DENND5A: variants seen among roughly 807,000 people sequenced by gnomAD.
DENND5A encodes DENN domain-containing protein 5A.
In DENND5A, 64 loss-of-function variants were observed where a neutral mutation model predicts 140.3. The ratio of observed to expected loss-of-function variants is 0.46; its 90% CI spans 0.37 to 0.56. The LOEUF (loss-of-function observed/expected upper bound fraction) is 0.56. Among genes scored for constraint, DENND5A ranks in the 20% least tolerant of loss-of-function variants. DENND5A has a pLI of 0.00. For synonymous variants in DENND5A, 605 were observed against 607.7 expected (o/e 1.00, Z 0.07); for missense variants, 1,292 against 1,593.8 (o/e 0.81, Z 3.22).
intron 1 of DENND5A, among the ~76,000 whole-genome samples, chr11:9,229,105 T>C (rs989987922): frequency 1.3e-5 from 2 of 152,082 alleles, no homozygotes; most frequent in African/African-American, 4.8e-5. Context: ...GCACTAAGCC[T>C]AGGCAGTTAG....
In DENND5A at chr11:9,265,138, C is replaced by T. The variant is rs1243278629; in HGVS notation, c.-69G>A. Reference sequence around the variant, plus strand: ...AGCCCCCGCAACCCGGGCGCCCGCCCGTCCGCCCTCAGGCCGCCCCTCCCG... The same window carrying T: ...AGCCCCCGCAACCCGGGCGCCCGCCTGTCCGCCCTCAGGCCGCCCCTCCCG... On this transcript the variant is annotated 5_prime_UTR_variant, in exon 1 of 23. Transcript: ENST00000328194. The surrounding 1 kb of genome is among the most constrained non-coding windows in gnomAD (Gnocchi z 4.7). 2 of 957,824 alleles carry T rather than the reference C, an allele frequency of 2.1e-6. No individual in the cohort carries two copies. Among genetic ancestry groups the T allele is most frequent in the Non-Finnish European group, 2.6e-6 (2 of 775,902 alleles). The allele number at this position is 957,824 out of a possible 1,614,324, so 59.3% of individuals were successfully genotyped here. A position where few individuals can be genotyped will look rare whatever the true frequency, so the allele number is the denominator to read the frequency against.
intron 10 of DENND5A, 112 bp downstream of exon 10, chr11:9,169,744 G>A: frequency 1.4e-6 from 1 of 698,586 alleles, no homozygotes; most frequent in South Asian, 1.7e-5. Context: ...TTCTTTATGG[G>A]GTGAGGTCAT....
Position 9,143,414 on chromosome 11 carries a change from G to T in DENND5A, c.3376C>A (p.Pro1126Thr), listed in dbSNP as rs765522114. Residue 1126 changes from proline (P) to threonine (T), a missense_variant, in exon 20 of 23, where the codon CCT becomes ACT. Around this residue, in one of 4 missense-constraint regions of DENND5A, gnomAD observed 498 missense variants for 689.7 expected, o/e 0.72. Coordinates refer to ENST00000328194, the MANE Select transcript of DENND5A (RefSeq NM_015213.4). ...VNGIVKHFHK[P>T]EKERGSLTLL... ...GCAGGAAGGCTCACCTCTTTCTCAG[G>T]CTTATGGAAGTGCTTCACAATGCCA... The T allele has an allele frequency of 1.2e-6, 2 of 1,613,988 alleles. No individual in the cohort carries two copies. Among genetic ancestry groups the T allele is most frequent in the South Asian group, 2.2e-5 (2 of 91,086 alleles).
intron 1 of DENND5A, among the ~76,000 whole-genome samples, chr11:9,252,884 C>T (rs1302560237): frequency 6.6e-6 from 1 of 150,650 alleles, no homozygotes; most frequent in African/African-American, 2.4e-5. Flanking sequence ...GGGTCTCACC[C>T]TATTGCCCAG....
At chr11:9,242,037 G>T (rs1395032887) in intron 1 of DENND5A, among the ~76,000 whole-genome samples, 2 of 132,874 alleles carry the variant, frequency 1.5e-5, no homozygotes, top group African/African-American at 5.7e-5. Flanking sequence ...AAAAAAAAAA[G>T]TACAACATCT....
In DENND5A at chr11:9,145,825, G is replaced by T; in HGVS notation, c.2858-10C>A. On this transcript the variant is annotated splice_polypyrimidine_tract_variant and intron_variant, in intron 16 of 22. Coordinates refer to ENST00000328194, the MANE Select transcript of DENND5A (RefSeq NM_015213.4). ...ATGTGGTACGGGATCACTGTTTAGG[G>T]GAAGCCACAAAAGTATTGAGGAGAA... is the stretch of plus-strand genomic sequence containing the variant. The T allele has an allele frequency of 6.2e-7, 1 of 1,614,052 alleles. No homozygotes were observed.
intron 5 of DENND5A, among the ~76,000 whole-genome samples, chr11:9,190,904 G>A (rs933932215): frequency 5.9e-5 from 9 of 151,962 alleles, no homozygotes; most frequent in South Asian, 2.1e-4. Context: ...GGTTTTCCAC[G>A]GGAAATACAT....
chr11:9,171,024 A>G (rs1448535738), intron 8 of DENND5A: 1 of 520,380 alleles, frequency 1.9e-6, no homozygotes, highest in African/African-American at 1.9e-5. Flanking sequence ...CAAATGAGGT[A>G]ACCCCTAGAA....
chr11:9,244,409 G>A (rs774979661), intron 1 of DENND5A, among the ~76,000 whole-genome samples: 8 of 151,850 alleles, frequency 5.3e-5, no homozygotes, highest in Non-Finnish European at 1.0e-4. Context: ...CGCTCTTGTT[G>A]CCCAAGCTGG....
chr11:9,251,867 C>T (rs951185738), intron 1 of DENND5A, among the ~76,000 whole-genome samples: 37 of 151,812 alleles, frequency 2.4e-4, no homozygotes, highest in African/African-American at 8.2e-4. Flanking sequence ...CAGGCCCCTG[C>T]AGTCTCAGCT....
At chr11:9,166,011 T>C (rs1191827314) in intron 10 of DENND5A, 44 bp from the exon 11 acceptor site, 2 of 1,604,588 alleles carry the variant, frequency 1.2e-6, no homozygotes, top group East Asian at 2.2e-5. Context: ...TCCATGTACA[T>C]AAACCAAAGG....
chr11:9,249,578 C>T (rs1851627834), intron 1 of DENND5A, among the ~76,000 whole-genome samples: 3 of 151,874 alleles, frequency 2.0e-5, no homozygotes, highest in African/African-American at 4.8e-5. Flanking sequence ...GACAGAGTTT[C>T]GCTCTTGTTG....
chr11:9,194,568 TA>T (rs769353868), intron 4 of DENND5A, among the ~76,000 whole-genome samples: 4,211 of 135,706 alleles, frequency 0.031, 76 homozygotes, highest in Middle Eastern at 0.092. Flanking sequence ...GACTCCTTCT[TA>T]AAAAAAAAAA....
At chr11:9,184,012 T>C (rs1267369211) in intron 5 of DENND5A, among the ~76,000 whole-genome samples, 7 of 150,048 alleles carry the variant, frequency 4.7e-5, no homozygotes, top group African/African-American at 7.4e-5. Flanking sequence ...GATCATGCCA[T>C]TGCACTACAG....
At position 9,203,775 on chromosome 11, in the gene DENND5A, C is replaced by T. The variant is rs775065836; in HGVS notation, c.834G>A (p.Glu278=). 1 of 1,614,192 alleles carries T rather than the reference C, an allele frequency of 6.2e-7. No homozygotes were observed. The highest frequency in any genetic ancestry group is 8.5e-7 in the Non-Finnish European group (1 of 1,180,026). ...PIICQRPSTN[E]LPLFDFPVKE... ...TGACAGGAAAGTCAAATAGGGGAAG[C>T]TCATTGGTACTTGGTCTCTGGCAGA... is the stretch of plus-strand genomic sequence containing the variant. The change falls in exon 4 of 23, where the codon GAG becomes GAA. Residue 278 remains glutamate, a synonymous_variant. Transcript: ENST00000328194.
chr11:9,178,047 T>C, intron 8 of DENND5A, 85 bp downstream of exon 8: 1 of 951,214 alleles, frequency 1.1e-6, no homozygotes, highest in South Asian at 1.3e-5. Context: ...CAGAAACAGA[T>C]AAAGAGGCTG....
chr11:9,178,375 A>G lies in DENND5A; in HGVS notation c.1672-9T>C, dbSNP rs1848615619. On this transcript the variant is annotated splice_polypyrimidine_tract_variant and intron_variant, in intron 7 of 22. Coordinates refer to ENST00000328194, the MANE Select transcript of DENND5A (RefSeq NM_015213.4). ...TCTGACAGAAAAGATGCCTGGTGGGACCAAAAAGAAGCAGTAATTGACAGG... is the reference window on the plus strand; with the variant it reads ...TCTGACAGAAAAGATGCCTGGTGGGGCCAAAAAGAAGCAGTAATTGACAGG... 1.3e-6 allele frequency: 2 copies of G among 1,554,754 alleles called. No homozygotes were observed. The highest frequency in any genetic ancestry group is 1.8e-6 in the Non-Finnish European group (2 of 1,126,886).
intron 15 of DENND5A, among the ~76,000 whole-genome samples, chr11:9,148,030 T>G (rs1847490332): frequency 1.3e-5 from 2 of 152,226 alleles, no homozygotes; most frequent in South Asian, 4.1e-4. Flanking sequence ...GCCTGTTATG[T>G]CCAGGTGCTG....
rs532631052 is a variant in DENND5A at position 9,159,083 on chromosome 11, G to A, written c.2436+1630C>T. 5.3e-5 allele frequency among the ~76,000 whole-genome samples: 8 copies of A among 152,234 alleles called. No individual in the cohort carries two copies. The East Asian group carries it at 1.2e-3, about 22-fold the overall frequency. On this transcript the variant is annotated intron_variant, in intron 12 of 22. Transcript: ENST00000328194. The stretch of plus-strand genomic sequence containing the variant: ...TGGATTTGCCTATTTTAGACATTTT[G>A]TATAAATGAGATCACACAATCTGTG...
Sources: gnomAD v4.1 joint callset for allele counts (sites outside exome capture counted in the v4.1 genomes callset) on GRCh38, gnomAD v4.1.1 for gene constraint, gnomAD v4.1.1 regional missense constraint, Gnocchi (gnomAD v3.1) non-coding constraint, MANE v1.5 for transcripts, NCBI Gene and HGNC (gene_info 2026-07-23, HGNC 2026-07-21) for gene names.